The following THSD4 variants were observed in gnomAD, a reference collection of about 807,000 sequenced individuals.
The protein encoded by THSD4 is thrombospondin type-1 domain-containing protein 4.
THSD4 carries 69 observed loss-of-function variants against 119.0 expected under a neutral mutation model. The ratio of observed to expected loss-of-function variants is 0.58; its 90% CI spans 0.48 to 0.71. The LOEUF (loss-of-function observed/expected upper bound fraction) is 0.71, where lower values mean the gene tolerates loss of function less well. Ranked by LOEUF, THSD4 falls within the 30% of genes least tolerant of loss-of-function variation. The pLI is 0.00. For missense variants in THSD4, 1,393 were observed against 1,391.1 expected (o/e 1.00, Z -0.02); for synonymous variants, 524 against 540.4 (o/e 0.97, Z 0.42).
At chr15:71,388,534 A>T (rs2046323063) in intron 6 of THSD4, among the ~76,000 whole-genome samples, 1 of 152,166 alleles carries the variant, frequency 6.6e-6, no homozygotes, top group Non-Finnish European at 1.5e-5. Context: ...AAGGGGGGAA[A>T]AATAAAAACA....
intron 6 of THSD4, among the ~76,000 whole-genome samples, chr15:71,333,718 T>C (rs1208192562): frequency 2.0e-5 from 3 of 152,204 alleles, no homozygotes; most frequent in Non-Finnish European, 4.4e-5. Context: ...CTTCACACTT[T>C]ACTCAAGGCT....
chr15:71,141,323 A>G (rs895148764), intron 1 of THSD4, 126 bp from the exon 2 acceptor site: 2 of 558,164 alleles, frequency 3.6e-6, no homozygotes, highest in African/African-American at 3.8e-5. Flanking sequence ...AAATCCTGGG[A>G]ACCATAACTG....
intron 7 of THSD4, among the ~76,000 whole-genome samples, chr15:71,446,507 A>T (rs2047183078): frequency 6.6e-6 from 1 of 152,248 alleles, no homozygotes; most frequent in Admixed American, 6.5e-5. Context: ...CAAACAAGTC[A>T]TCTTTTGTCA....
intron 7 of THSD4, among the ~76,000 whole-genome samples, chr15:71,464,439 C>T (rs2047471723): frequency 6.6e-6 from 1 of 152,148 alleles, no homozygotes; most frequent in Non-Finnish European, 1.5e-5. Context: ...TGAGTTTCAG[C>T]TATCATTCTT....
rs1185574255 is a variant in THSD4 at position 71,442,616 on chromosome 15, G to A, written c.1152+30793G>A. On this transcript the variant is annotated intron_variant, in intron 7 of 17. Transcript: ENST00000261862. Reference sequence around the variant, plus strand: ...TATATATATATGTGTGTGTGTGTGTGTGTATATATATATGTATGTGTGTGT... The same window carrying A: ...TATATATATATGTGTGTGTGTGTGTATGTATATATATATGTATGTGTGTGT... 3.9e-4 allele frequency among the ~76,000 whole-genome samples: 21 copies of A among 53,200 alleles called. 1 individual carries two copies. The highest frequency in any genetic ancestry group is 1.8e-3 in the East Asian group (4 of 2,284). 34.9% of individuals were successfully genotyped at this position (53,200 alleles called of 152,430 possible). A position where few individuals can be genotyped will look rare whatever the true frequency, so the allele number is the denominator to read the frequency against.
chr15:71,376,211 T>C (rs1373854534), intron 6 of THSD4, among the ~76,000 whole-genome samples: 1 of 152,196 alleles, frequency 6.6e-6, no homozygotes, highest in East Asian at 1.9e-4. Context: ...GTGCTGTCTC[T>C]GACTGGAGCC....
chr15:71,607,062 T>C (rs997357138), intron 7 of THSD4, among the ~76,000 whole-genome samples: 2 of 152,176 alleles, frequency 1.3e-5, no homozygotes, highest in Non-Finnish European at 2.9e-5. Context: ...TAAGTTCCAT[T>C]TGGGGCCTTT....
intron 7 of THSD4, among the ~76,000 whole-genome samples, chr15:71,595,650 G>C (rs774214566): frequency 1.3e-5 from 2 of 152,162 alleles, no homozygotes; most frequent in Non-Finnish European, 2.9e-5. Context: ...TTGCACATGT[G>C]TGTATGCAAG....
chr15:71,215,742 C>T (rs752791582), intron 4 of THSD4, among the ~76,000 whole-genome samples: 1 of 152,004 alleles, frequency 6.6e-6, no homozygotes, highest in Non-Finnish European at 1.5e-5. Flanking sequence ...AGGAGAGATC[C>T]TCAGCCTGTG....
chr15:71,544,996 G>T (rs1330982187), intron 7 of THSD4, among the ~76,000 whole-genome samples: 1 of 152,214 alleles, frequency 6.6e-6, no homozygotes, highest in Non-Finnish European at 1.5e-5. Flanking sequence ...GAGGTTGCCA[G>T]GGGCTTGGAG....
At chr15:71,358,237 G>A (rs961199900) in intron 6 of THSD4, among the ~76,000 whole-genome samples, 1 of 152,202 alleles carries the variant, frequency 6.6e-6, no homozygotes, top group Non-Finnish European at 1.5e-5. Flanking sequence ...CTTCCAAGCT[G>A]TTCCTTAACA....
At chr15:71,286,385 C>T (rs988540094) in intron 6 of THSD4, among the ~76,000 whole-genome samples, 3 of 152,138 alleles carry the variant, frequency 2.0e-5, no homozygotes, top group African/African-American at 7.2e-5. Context: ...TAATTTAGCT[C>T]CCACTTATAA....
chr15:71,631,121 A>T (rs1299594325), intron 7 of THSD4, among the ~76,000 whole-genome samples: 1 of 152,182 alleles, frequency 6.6e-6, no homozygotes, highest in Non-Finnish European at 1.5e-5. Context: ...CCTAGGTAAG[A>T]GGCACAGTCT....
At chr15:71,171,673 T>C (rs907945407) in intron 3 of THSD4, among the ~76,000 whole-genome samples, 3 of 152,224 alleles carry the variant, frequency 2.0e-5, no homozygotes, top group African/African-American at 7.2e-5. Flanking sequence ...ATACAAATAA[T>C]AATCATCTGT....
At chr15:71,479,911 CTG>C (rs1384820405) in intron 7 of THSD4, among the ~76,000 whole-genome samples, 1 of 152,190 alleles carries the variant, frequency 6.6e-6, no homozygotes, top group Non-Finnish European at 1.5e-5. Context: ...GAGAGAAACA[CTG>C]TTAACATTTT....
intron 7 of THSD4, among the ~76,000 whole-genome samples, chr15:71,445,945 C>T (rs1295680335): frequency 6.6e-6 from 1 of 152,316 alleles, no homozygotes; most frequent in African/African-American, 2.4e-5. Context: ...CACCATTTAG[C>T]AAAATGCAGT....
At chr15:71,447,381 T>C (rs537685238) in intron 7 of THSD4, among the ~76,000 whole-genome samples, 89 of 151,932 alleles carry the variant, frequency 5.9e-4, no homozygotes, top group African/African-American at 1.9e-3. Context: ...GCTTCCCACC[T>C]TGGCTTCCCA....
intron 6 of THSD4, 46 bp from the exon 7 acceptor site, chr15:71,411,641 C>T (rs2140502556): frequency 2.6e-6 from 4 of 1,560,386 alleles, no homozygotes; most frequent in Non-Finnish European, 3.5e-6. Context: ...GATGATATTG[C>T]TTATACCTTA....
At chr15:71,547,049 T>C (rs2048847424) in intron 7 of THSD4, among the ~76,000 whole-genome samples, 1 of 152,192 alleles carries the variant, frequency 6.6e-6, no homozygotes, top group Non-Finnish European at 1.5e-5. Context: ...TCCCCCTGCA[T>C]GTGGCGTGCT....
Sources: gnomAD v4.1 joint callset for allele counts (sites outside exome capture counted in the v4.1 genomes callset) on GRCh38, gnomAD v4.1.1 for gene constraint, MANE v1.5 for transcripts, NCBI Gene and HGNC (gene_info 2026-07-23, HGNC 2026-07-21) for gene names.